The following TINAG variants were observed in gnomAD, a reference collection of about 807,000 sequenced individuals.
TINAG encodes tubulointerstitial nephritis antigen.
A neutral mutation model predicts 72.7 loss-of-function variants in TINAG; 83 were observed. The ratio of observed to expected loss-of-function variants is 1.14; its 90% confidence interval spans 0.96 to 1.37. TINAG has a LOEUF of 1.37. Ranked by LOEUF, TINAG falls within the 40% of genes most tolerant of loss-of-function variation. TINAG has a pLI of 0.00. For synonymous variants in TINAG, 234 were observed against 189.9 expected (o/e 1.23, Z -1.91); for missense variants, 685 against 576.6 (o/e 1.19, Z -1.93).
At chr6:54,362,473 C>A (rs922202832) in intron 9 of TINAG, among the ~76,000 whole-genome samples, 11 of 151,036 alleles carry the variant, frequency 7.3e-5, no homozygotes, top group African/African-American at 2.4e-4. Flanking sequence ...ATCTGCTACT[C>A]AAAAAAAACA....
intron 1 of TINAG, among the ~76,000 whole-genome samples, chr6:54,318,217 G>A (rs757507966): frequency 4.6e-5 from 7 of 152,108 alleles, no homozygotes; most frequent in Admixed American, 4.6e-4. Flanking sequence ...TCATGCTCCA[G>A]CCTGGGCTTA....
intron 4 of TINAG, among the ~76,000 whole-genome samples, chr6:54,342,625 C>T (rs1785025095): frequency 6.6e-6 from 1 of 152,168 alleles, no homozygotes; most frequent in Middle Eastern, 3.2e-3. Flanking sequence ...GCCTCAGCCT[C>T]CCAAAGTGCT....
intron 5 of TINAG, among the ~76,000 whole-genome samples, chr6:54,344,774 C>T (rs762898020): frequency 7.9e-5 from 12 of 152,042 alleles, no homozygotes; most frequent in Non-Finnish European, 1.8e-4. Context: ...TCACGGAACA[C>T]CAGAGAGAGG....
intron 1 of TINAG, among the ~76,000 whole-genome samples, chr6:54,316,068 C>A (rs189799374): frequency 1.3e-5 from 2 of 152,114 alleles, no homozygotes; most frequent in Admixed American, 1.3e-4. Context: ...TGTCCTTTTA[C>A]GTGTTCCCAC....
intron 4 of TINAG, among the ~76,000 whole-genome samples, chr6:54,331,355 AC>A (rs1479619132): frequency 1.3e-5 from 2 of 152,158 alleles, no homozygotes; most frequent in Non-Finnish European, 2.9e-5. Flanking sequence ...AATAACAAAA[AC>A]CACATGATTA....
chr6:54,386,950 T>C (rs1764115838), intron 10 of TINAG, among the ~76,000 whole-genome samples: 1 of 152,146 alleles, frequency 6.6e-6, no homozygotes, highest in Admixed American at 6.5e-5. Flanking sequence ...TAAAAGACAG[T>C]ATTATAAGAA....
At chr6:54,329,147 A>G (rs987745616) in intron 4 of TINAG, among the ~76,000 whole-genome samples, 1 of 152,148 alleles carries the variant, frequency 6.6e-6, no homozygotes, top group African/African-American at 2.4e-5. Flanking sequence ...CTCCTCGAGA[A>G]GAGCAAGCCC....
At chr6:54,349,421 G>T (rs994534880) in intron 6 of TINAG, among the ~76,000 whole-genome samples, 2 of 151,694 alleles carry the variant, frequency 1.3e-5, no homozygotes, top group Non-Finnish European at 2.9e-5. Context: ...TATTACCACA[G>T]ACTTAATATT....
At chr6:54,359,911 C>T (rs1763168883) in intron 9 of TINAG, among the ~76,000 whole-genome samples, 1 of 151,636 alleles carries the variant, frequency 6.6e-6, no homozygotes, top group Non-Finnish European at 1.5e-5. Flanking sequence ...TATCAGAGAA[C>T]TTAATATACT....
In TINAG at chr6:54,389,806, T is replaced by G; in HGVS notation, c.1312T>G (p.Trp438Gly). 1 of 1,587,336 alleles carries G rather than the reference T, an allele frequency of 6.3e-7. No individual in the cohort carries two copies. Among genetic ancestry groups the G allele is most frequent in the Non-Finnish European group, 8.5e-7 (1 of 1,170,662 alleles). Residue 438 changes from tryptophan (W) to glycine (G), a missense_variant, in exon 11 of 11, where the codon TGG becomes GGG. By Grantham distance (184) the Trp-to-Gly change is radical. Transcript: ENST00000259782. ...KEKFWIAANSWGKSWGENGYF... is the reference protein window; with the variant it reads ...KEKFWIAANSGGKSWGENGYF... ...TTTTCTGCAGATTGCTGCCAATTCCTGGGGAAAGTCATGGGGAGAGAATGG... is the reference window on the plus strand; with the variant it reads ...TTTTCTGCAGATTGCTGCCAATTCCGGGGGAAAGTCATGGGGAGAGAATGG...
At chr6:54,344,384 T>C (rs1785070783) in intron 5 of TINAG, among the ~76,000 whole-genome samples, 1 of 152,194 alleles carries the variant, frequency 6.6e-6, no homozygotes, top group African/African-American at 2.4e-5. Context: ...ACCCCCTCTC[T>C]GGCTATCTTA....
chr6:54,309,112 T>C (rs1479193990), intron 1 of TINAG, among the ~76,000 whole-genome samples: 1 of 152,174 alleles, frequency 6.6e-6, no homozygotes, highest in African/African-American at 2.4e-5. Context: ...TTCAGGAAAG[T>C]TCTGATCTGA....
intron 8 of TINAG, among the ~76,000 whole-genome samples, chr6:54,352,723 T>A (rs1423781716): frequency 6.6e-6 from 1 of 151,708 alleles, no homozygotes; most frequent in African/African-American, 2.4e-5. Context: ...TTCAAGTGTT[T>A]TTTTTTTCTT....
intron 8 of TINAG, among the ~76,000 whole-genome samples, chr6:54,353,501 A>G (rs752380816): frequency 3.3e-5 from 5 of 151,908 alleles, no homozygotes; most frequent in African/African-American, 4.8e-5. Flanking sequence ...TGATGGATAG[A>G]GAACAAAAGC....
chr6:54,365,196 G>A (rs974212858), intron 9 of TINAG: 3 of 151,606 alleles, frequency 2.0e-5, no homozygotes, highest in East Asian at 1.9e-4. Context: ...ATAAATGTGC[G>A]ATAATTAGTA....
chr6:54,369,650 T>C (rs976242902), intron 9 of TINAG, among the ~76,000 whole-genome samples: 13 of 151,954 alleles, frequency 8.6e-5, no homozygotes, highest in Admixed American at 8.6e-4. Flanking sequence ...CATTAAATAA[T>C]TGAAGCACTA....
At chr6:54,387,731 T>C (rs576020183) in intron 10 of TINAG, among the ~76,000 whole-genome samples, 1 of 152,180 alleles carries the variant, frequency 6.6e-6, no homozygotes, top group African/African-American at 2.4e-5. Flanking sequence ...ATACAAAAGA[T>C]GAAAAGTTAA....
At chr6:54,326,433 T>C (rs1009120176) in intron 3 of TINAG, among the ~76,000 whole-genome samples, 2 of 152,088 alleles carry the variant, frequency 1.3e-5, no homozygotes, top group African/African-American at 4.8e-5. Flanking sequence ...AGAAAATGTA[T>C]TAACCTATTT....
intron 8 of TINAG, among the ~76,000 whole-genome samples, chr6:54,351,836 A>G (rs1244300653): frequency 2.6e-5 from 4 of 151,114 alleles, no homozygotes; most frequent in Non-Finnish European, 4.5e-5. Flanking sequence ...GAGGATTAAT[A>G]TTTTCCTTCT....
Sources: allele counts gnomAD v4.1 joint callset (sites outside exome capture counted in the v4.1 genomes callset), GRCh38; gene constraint gnomAD v4.1.1; transcripts MANE v1.5; gene names NCBI Gene and HGNC (gene_info 2026-07-23, HGNC 2026-07-21).